UBASH3B: variants seen among roughly 807,000 people sequenced by gnomAD.
UBASH3B encodes the protein ubiquitin-associated and SH3 domain-containing protein B.
In UBASH3B, 37 loss-of-function variants were observed where a neutral mutation model predicts 83.4. That is an observed-to-expected ratio of 0.44 (90% CI 0.34 to 0.58). The LOEUF is 0.58. Among genes scored for constraint, UBASH3B ranks in the 20% least tolerant of loss-of-function variants. The pLI is 0.01. For missense variants in UBASH3B, 657 were observed against 827.2 expected (o/e 0.79, Z 2.52); for synonymous variants, 304 against 318.3 (o/e 0.96, Z 0.48).
intron 13 of UBASH3B, among the ~76,000 whole-genome samples, chr11:122,809,449 C>T (rs1010168109): frequency 1.3e-5 from 2 of 152,192 alleles, no homozygotes; most frequent in African/African-American, 2.4e-5. Context: ...TTTTGGTCCT[C>T]TTTTTCTGCC....
intron 5 of UBASH3B, among the ~76,000 whole-genome samples, chr11:122,785,184 G>A (rs565078655): frequency 1.6e-4 from 24 of 152,256 alleles, no homozygotes; most frequent in African/African-American, 5.3e-4. Context: ...AAGCGCCCAC[G>A]GGAATTATTT....
chr11:122,749,775 CA>C (rs1276777927), intron 1 of UBASH3B, among the ~76,000 whole-genome samples: 1 of 152,182 alleles, frequency 6.6e-6, no homozygotes, highest in East Asian at 1.9e-4. Context: ...CTCTGTCCCC[CA>C]GGCTGCAATG....
intron 1 of UBASH3B, among the ~76,000 whole-genome samples, chr11:122,765,776 T>C (rs1367151305): frequency 2.0e-5 from 3 of 152,156 alleles, no homozygotes; most frequent in South Asian, 2.1e-4. Context: ...GGAGCTCACG[T>C]ATGTTTTAAG....
chr11:122,778,307 C>T lies in UBASH3B; in HGVS notation c.402+1097C>T, dbSNP rs565066454. ...AAAGTGACTGTCATTTCCTCTTAGT[C>T]ATCCCAGGATCTTTCTCAAAACCCT... On this transcript the variant is annotated intron_variant, in intron 3 of 13. Coordinates refer to ENST00000284273, the MANE Select transcript of UBASH3B (RefSeq NM_032873.5). 3.9e-5 allele frequency among the ~76,000 whole-genome samples: 6 copies of T among 152,272 alleles called. No individual in the cohort carries two copies. The South Asian group carries it at 1.0e-3, about 26-fold the overall frequency.
At chr11:122,704,476 A>G (rs1864089513) in intron 1 of UBASH3B, among the ~76,000 whole-genome samples, 1 of 151,760 alleles carries the variant, frequency 6.6e-6, no homozygotes, top group African/African-American at 2.4e-5. Context: ...TAGAGAGGCC[A>G]CTTTCCTCAG....
chr11:122,729,633 G>A, intron 1 of UBASH3B, among the ~76,000 whole-genome samples: 1 of 151,746 alleles, frequency 6.6e-6, no homozygotes. Flanking sequence ...TGAGTATTTT[G>A]GAGTAAAATG....
At position 122,725,342 on chromosome 11, in the gene UBASH3B, A is replaced by AAAAAAAAAGAGAG. The variant is rs71281633; in HGVS notation, c.162-50875_162-50874insAAAAAAGAGAGAA. Among the ~76,000 whole-genome samples the AAAAAAAAAGAGAG allele has an allele frequency of 6.8e-3, 890 of 130,740 alleles. 10 individuals are homozygous for AAAAAAAAAGAGAG. Among genetic ancestry groups the AAAAAAAAAGAGAG allele is most frequent in the African/African-American group, 0.021 (793 of 37,118 alleles). 85.8% of individuals were successfully genotyped at this position (130,740 alleles called of 152,430 possible). A position where few individuals can be genotyped will look rare whatever the true frequency, so the allele number is the denominator to read the frequency against. On this transcript the variant is annotated intron_variant, in intron 1 of 13. Coordinates refer to ENST00000284273, the MANE Select transcript of UBASH3B (RefSeq NM_032873.5). ...AGCACCATAAACAAAAAAAAAAAAA[A>AAAAAAAAAGAGAG]AAGAAAAGAAAAGAAACAAACTCAA...
At chr11:122,784,535 CT>C (rs1860915021) in intron 5 of UBASH3B, among the ~76,000 whole-genome samples, 1 of 152,180 alleles carries the variant, frequency 6.6e-6, no homozygotes, top group African/African-American at 2.4e-5. Context: ...AAAAATGTGC[CT>C]TCCAACTTAA....
At chr11:122,746,967 G>T (rs1474249613) in intron 1 of UBASH3B, among the ~76,000 whole-genome samples, 1 of 152,172 alleles carries the variant, frequency 6.6e-6, no homozygotes, top group African/African-American at 2.4e-5. Context: ...GGGGGAATGT[G>T]GACAATCCCA....
At chr11:122,753,176 G>A (rs1221697991) in intron 1 of UBASH3B, among the ~76,000 whole-genome samples, 1 of 151,986 alleles carries the variant, frequency 6.6e-6, no homozygotes. Context: ...AGGTGCTGTG[G>A]CTCGCGCCTG....
At chr11:122,760,528 T>A (rs1197961338) in intron 1 of UBASH3B, among the ~76,000 whole-genome samples, 2 of 151,654 alleles carry the variant, frequency 1.3e-5, no homozygotes, top group East Asian at 3.9e-4. Flanking sequence ...ACCTGGCTAA[T>A]TTTTTTGTAT....
chr11:122,656,183 T>C lies in UBASH3B; in HGVS notation c.134T>C (p.Leu45Pro), dbSNP rs1431621844. Residue 45 changes from leucine (L) to proline (P), a missense_variant, in exon 1 of 14, where the codon CTC becomes CCC. Around this residue, in one of 3 missense-constraint regions of UBASH3B, gnomAD observed 78 missense variants for 68.4 expected, o/e 1.14. Transcript: ENST00000284273. Reference sequence around the variant, plus strand: ...CATGGATCGGCGCTGGACGTGCTCCTCTCCATGGGGTTCCCCAGAGCCCGC... The same window carrying C: ...CATGGATCGGCGCTGGACGTGCTCCCCTCCATGGGGTTCCCCAGAGCCCGC... ...IKHGSALDVL[L>P]SMGFPRARAQ... 1.3e-6 allele frequency: 2 copies of C among 1,532,930 alleles called. No individual in the cohort carries two copies. The highest frequency in any genetic ancestry group is 2.7e-5 in the East Asian group (1 of 37,304). 95.0% of individuals were successfully genotyped at this position (1,532,930 alleles called of 1,614,324 possible). A position where few individuals can be genotyped will look rare whatever the true frequency, so the allele number is the denominator to read the frequency against.
At chr11:122,768,131 G>T (rs1860583227) in intron 1 of UBASH3B, among the ~76,000 whole-genome samples, 1 of 152,142 alleles carries the variant, frequency 6.6e-6, no homozygotes, top group Non-Finnish European at 1.5e-5. Flanking sequence ...CTTCTTGGGA[G>T]AGATTTTTCC....
In UBASH3B at chr11:122,704,858, C is replaced by T. The variant is rs1053820663; in HGVS notation, c.161+48648C>T. Among the ~76,000 whole-genome samples, 7 of 151,926 alleles carry T rather than the reference C, an allele frequency of 4.6e-5. No individual in the cohort carries two copies. In the East Asian group the frequency reaches 7.7e-4, roughly 17 times the overall value. ...CTTTATTATGAGGTTTCTTTAAGGGCCGCACTTTCTCGAAGTGGCATTGGG... is the reference window on the plus strand; with the variant it reads ...CTTTATTATGAGGTTTCTTTAAGGGTCGCACTTTCTCGAAGTGGCATTGGG... On this transcript the variant is annotated intron_variant, in intron 1 of 13. Coordinates refer to ENST00000284273, the MANE Select transcript of UBASH3B (RefSeq NM_032873.5).
At chr11:122,744,873 C>G (rs55845728) in intron 1 of UBASH3B, among the ~76,000 whole-genome samples, 31 of 139,524 alleles carry the variant, frequency 2.2e-4, no homozygotes, top group East Asian at 6.8e-4. Context: ...ATGTGTGACT[C>G]TGTGTGTGTG....
intron 1 of UBASH3B, among the ~76,000 whole-genome samples, chr11:122,698,471 A>G (rs1045371148): frequency 6.6e-6 from 1 of 152,198 alleles, no homozygotes; most frequent in African/African-American, 2.4e-5. Flanking sequence ...CTTTGGAACT[A>G]TAGAAAATTA....
intron 1 of UBASH3B, among the ~76,000 whole-genome samples, chr11:122,665,682 G>A (rs1264948382): frequency 6.6e-6 from 1 of 152,182 alleles, no homozygotes; most frequent in East Asian, 1.9e-4. Context: ...GTAAATAAAC[G>A]GAAAGGAAGA....
chr11:122,744,133 A>G (rs375642253), intron 1 of UBASH3B, among the ~76,000 whole-genome samples: 3 of 152,270 alleles, frequency 2.0e-5, no homozygotes, highest in Non-Finnish European at 4.4e-5. Flanking sequence ...TCACTTCACC[A>G]GCACCTCCCC....
Position 122,794,888 on chromosome 11 carries a change from A to T in UBASH3B, c.1113+54A>T, listed in dbSNP as rs1307431924. 9 of 1,605,678 alleles carry T rather than the reference A, an allele frequency of 5.6e-6. No homozygotes were observed. The Admixed American group carries it at 1.2e-4, about 22-fold the overall frequency. ...CAACTCTAACCAGGATTCACTGAGA[A>T]CCTATTTATTAAGCATGAGGCCTTG... On this transcript the variant is annotated intron_variant, in intron 7 of 13. Coordinates refer to ENST00000284273, the MANE Select transcript of UBASH3B (RefSeq NM_032873.5).
Sources: gnomAD v4.1 joint callset for allele counts (sites outside exome capture counted in the v4.1 genomes callset) on GRCh38, gnomAD v4.1.1 for gene constraint, gnomAD v4.1.1 regional missense constraint, MANE v1.5 for transcripts, NCBI Gene and HGNC (gene_info 2026-07-23, HGNC 2026-07-21) for gene names.